TRIM25: variants seen among roughly 807,000 people sequenced by gnomAD.
TRIM25 encodes the protein tripartite motif containing 25, also known as E3 ubiquitin/ISG15 ligase TRIM25.
TRIM25 carries 45 observed loss-of-function variants against 65.2 expected under a neutral mutation model. That is an observed-to-expected ratio of 0.69 (90% CI 0.54 to 0.89). The LOEUF (loss-of-function observed/expected upper bound fraction) is 0.89. Among genes scored for constraint, TRIM25 ranks in the 40% least tolerant of loss-of-function variants. The pLI, the probability that TRIM25 is intolerant of heterozygous loss-of-function variation, is 0.00. For synonymous variants in TRIM25, 321 were observed against 340.4 expected (o/e 0.94, Z 0.63); for missense variants, 714 against 803.7 (o/e 0.89, Z 1.35).
chr17:56,900,727 G>A (rs553920170), intron 4 of TRIM25, among the ~76,000 whole-genome samples: 21 of 152,342 alleles, frequency 1.4e-4, no homozygotes, highest in African/African-American at 4.8e-4. Context: ...AGGAGAGTGG[G>A]GGGCGCCTTG....
chr17:56,892,276 G>A (rs1484978623), intron 8 of TRIM25, 47 bp from the exon 9 acceptor site: 7 of 1,541,036 alleles, frequency 4.5e-6, no homozygotes, highest in Non-Finnish European at 6.1e-6. Flanking sequence ...GGCCCAAAGT[G>A]CTCTTTTAGA....
At chr17:56,905,904 A>G (rs1598077746) in intron 2 of TRIM25, among the ~76,000 whole-genome samples, 2 of 152,214 alleles carry the variant, frequency 1.3e-5, no homozygotes, top group African/African-American at 4.8e-5. Flanking sequence ...TCAAAGCTGC[A>G]GTGAGCTATG....
chr17:56,893,589 G>A (rs1024122277), intron 8 of TRIM25, among the ~76,000 whole-genome samples: 3 of 152,238 alleles, frequency 2.0e-5, no homozygotes, highest in Non-Finnish European at 2.9e-5. Context: ...ATTGGCTTTG[G>A]CCTCCACATG....
At chr17:56,905,764 C>A (rs1038867656) in intron 2 of TRIM25, among the ~76,000 whole-genome samples, 11 of 152,000 alleles carry the variant, frequency 7.2e-5, no homozygotes, top group African/African-American at 2.7e-4. Context: ...TCAAGACCAG[C>A]CTGGGCAACA....
rs555696787 is a variant in TRIM25 at position 56,890,070 on chromosome 17, G to A, written c.*1630C>T. On this transcript the variant is annotated 3_prime_UTR_variant, in exon 9 of 9. Transcript: ENST00000316881. ...GAGTGCCCTAGAGTTCCAGCACGAG[G>A]CCTGAGATGCATTACATTCTCAAAT... The A allele has an allele frequency of 1.0e-5, 4 of 396,422 alleles. No individual in the cohort carries two copies. Among genetic ancestry groups the A allele is most frequent in the African/African-American group, 2.1e-5 (1 of 48,436 alleles). The allele number at this position is 396,422 out of a possible 1,614,324, so 24.6% of individuals were successfully genotyped here. A position where few individuals can be genotyped will look rare whatever the true frequency, so the allele number is the denominator to read the frequency against.
At chr17:56,901,963 T>G (rs1292352311) in intron 3 of TRIM25, among the ~76,000 whole-genome samples, 1 of 152,142 alleles carries the variant, frequency 6.6e-6, no homozygotes, top group Non-Finnish European at 1.5e-5. Context: ...GGGGAACAGC[T>G]CTAATCACAC....
intron 2 of TRIM25, among the ~76,000 whole-genome samples, chr17:56,907,299 A>G (rs1393688621): frequency 6.6e-6 from 1 of 152,242 alleles, no homozygotes; most frequent in East Asian, 1.9e-4. Context: ...TTACAGCAGT[A>G]TAGCCTGCCC....
intron 1 of TRIM25, among the ~76,000 whole-genome samples, chr17:56,911,659 T>C (rs1163415669): frequency 1.3e-5 from 2 of 151,006 alleles, no homozygotes; most frequent in African/African-American, 4.9e-5. Flanking sequence ...GAGGCTAAGA[T>C]GGGAGAAGGA....
chr17:56,905,549 C>G (rs1279663463), intron 2 of TRIM25, among the ~76,000 whole-genome samples: 3 of 152,028 alleles, frequency 2.0e-5, no homozygotes, highest in Non-Finnish European at 2.9e-5. Context: ...TACATACTGG[C>G]TTTCAAGGGT....
chr17:56,892,984 C>A (rs925835557), intron 8 of TRIM25, among the ~76,000 whole-genome samples: 2 of 152,236 alleles, frequency 1.3e-5, no homozygotes, highest in Non-Finnish European at 2.9e-5. Context: ...GGAATTGGAG[C>A]CAAGTAACAG....
chr17:56,895,343 A>C lies in TRIM25; in HGVS notation c.1363T>G (p.Tyr455Asp). Reference sequence around the variant, plus strand: ...GCGCACCAGCCCCGAAGCTACTCACACTCCAGGAGCTCAGGTCTGGACTTG... The same window carrying C: ...GCGCACCAGCCCCGAAGCTACTCACCCTCCAGGAGCTCAGGTCTGGACTTG... ...LAKSRPELLE[Y>D]YIKVILDYNT... The change falls in exon 8 of 9, where the codon TAT becomes GAT. Residue 455 changes from tyrosine (Y) to aspartate (D), a missense_variant and splice_region_variant. Tyr to Asp is a radical substitution (Grantham distance 160). Around this residue, in one of 3 missense-constraint regions of TRIM25, gnomAD observed 413 missense variants for 498.2 expected, o/e 0.83. Coordinates refer to ENST00000316881, the MANE Select transcript of TRIM25 (RefSeq NM_005082.5). 1 of 1,613,434 alleles carries C rather than the reference A, an allele frequency of 6.2e-7. No individual in the cohort carries two copies. Among genetic ancestry groups the C allele is most frequent in the Non-Finnish European group, 8.5e-7 (1 of 1,179,554 alleles).
rs7212740 is a variant in TRIM25 at position 56,914,010 on chromosome 17, A to G, written c.-22T>C. ...CCATGGCGCTCCCAGGGGTCGGGACACAACTGCTGCACCCGCGCTCCGAGG... is the reference window on the plus strand; with the variant it reads ...CCATGGCGCTCCCAGGGGTCGGGACGCAACTGCTGCACCCGCGCTCCGAGG... On this transcript the variant is annotated 5_prime_UTR_variant, in exon 1 of 9. Transcript: ENST00000316881. The G allele has an allele frequency of 5.5e-3, 8,173 of 1,484,690 alleles. 405 individuals carry two copies. The African/African-American group carries it at 0.1, about 19-fold the overall frequency. The allele number at this position is 1,484,690 out of a possible 1,614,324, so 92.0% of individuals were successfully genotyped here.
chr17:56,902,068 T>G (rs1429647401), intron 3 of TRIM25, among the ~76,000 whole-genome samples: 1 of 152,102 alleles, frequency 6.6e-6, no homozygotes, highest in African/African-American at 2.4e-5. Flanking sequence ...TCCCAAACTT[T>G]GAGAAAAATA....
In TRIM25 at chr17:56,889,681, T is replaced by C. The variant is rs1005464451; in HGVS notation, c.*2019A>G. 2.5e-6 allele frequency: 1 copy of C among 398,562 alleles called. No homozygotes were observed. The highest frequency in any genetic ancestry group is 4.4e-5 in the Admixed American group (1 of 22,738). The allele number at this position is 398,562 out of a possible 1,614,324, so 24.7% of individuals were successfully genotyped here. Reference sequence around the variant, plus strand: ...GGAAGTGGCCTCACTGTTGCCCTCATTTCTGCAGAAGAGAGCCAGAGCAGG... The same window carrying C: ...GGAAGTGGCCTCACTGTTGCCCTCACTTCTGCAGAAGAGAGCCAGAGCAGG... On this transcript the variant is annotated 3_prime_UTR_variant, in exon 9 of 9. Transcript: ENST00000316881.
At chr17:56,907,723 G>A (rs1409546375) in intron 2 of TRIM25, among the ~76,000 whole-genome samples, 1 of 152,140 alleles carries the variant, frequency 6.6e-6, no homozygotes, top group African/African-American at 2.4e-5. Context: ...CAAAAGACAT[G>A]TCCATATACC....
intron 1 of TRIM25, among the ~76,000 whole-genome samples, chr17:56,911,167 G>T (rs1567843228): frequency 6.6e-6 from 1 of 152,196 alleles, no homozygotes; most frequent in Non-Finnish European, 1.5e-5. Flanking sequence ...TACTCAGGAG[G>T]CTGAGGCAGG....
In TRIM25 at chr17:56,913,992, G is replaced by A; in HGVS notation, c.-4C>T. 2.6e-6 allele frequency: 4 copies of A among 1,541,148 alleles called. No individual in the cohort carries two copies. Among genetic ancestry groups the A allele is most frequent in the Non-Finnish European group, 3.5e-6 (4 of 1,141,448 alleles). On this transcript the variant is annotated 5_prime_UTR_variant, in exon 1 of 9. Transcript: ENST00000316881. This position sits in a 1 kb window ranked among gnomAD's most constrained non-coding sequence, Gnocchi z 6.1. ...CCAGGGGGCACAGCTCTGCCATGGCGCTCCCAGGGGTCGGGACACAACTGC... is the reference window on the plus strand; with the variant it reads ...CCAGGGGGCACAGCTCTGCCATGGCACTCCCAGGGGTCGGGACACAACTGC...
At position 56,913,647 on chromosome 17, in the gene TRIM25, G is replaced by T; in HGVS notation, c.342C>A (p.Ala114=). The T allele has an allele frequency of 6.3e-7, 1 of 1,599,114 alleles. No individual in the cohort carries two copies. The highest frequency in any genetic ancestry group is 1.3e-5 in the African/African-American group (1 of 74,844). ...QVACDHCLKE[A]AVKTCLVCMA... Reference sequence around the variant, plus strand: ...TGCACACCAAGCACGTCTTCACGGCGGCCTCCTTCAGGCAGTGGTCGCAGG... The same window carrying T: ...TGCACACCAAGCACGTCTTCACGGCTGCCTCCTTCAGGCAGTGGTCGCAGG... The change falls in exon 1 of 9, where the codon GCC becomes GCA. Residue 114 remains alanine, a synonymous_variant. Transcript: ENST00000316881. This position sits in a 1 kb window ranked among gnomAD's most constrained non-coding sequence, Gnocchi z 6.1.
At chr17:56,907,809 A>G (rs57450020) in intron 2 of TRIM25, among the ~76,000 whole-genome samples, 5,527 of 152,310 alleles carry the variant, frequency 0.036, 360 homozygotes, top group African/African-American at 0.13. Context: ...TTCGATCATC[A>G]TAGATTACCT....
Sources: allele counts gnomAD v4.1 joint callset (sites outside exome capture counted in the v4.1 genomes callset), GRCh38; gene constraint gnomAD v4.1.1; regional missense constraint gnomAD v4.1.1; non-coding constraint Gnocchi (gnomAD v3.1); transcripts MANE v1.5; gene names NCBI Gene and HGNC (gene_info 2026-07-23, HGNC 2026-07-21).